Variants in ADAM22 observed in about 807,000 individuals in gnomAD.
ADAM22 encodes the protein ADAM metallopeptidase domain 22.
Under a neutral mutation model 144.6 loss-of-function variants are expected in ADAM22, and 65 were observed. The observed-to-expected ratio is 0.45, with a 90% CI of 0.37 to 0.55. ADAM22 has a LOEUF of 0.55. ADAM22 is among the 20% of genes least tolerant of loss of function. The probability of loss-of-function intolerance (pLI) is 0.00; values close to 1 mark genes in which losing one functional copy is unlikely to be tolerated. For missense variants in ADAM22, 974 were observed against 1,184.9 expected (o/e 0.82, Z 2.61); for synonymous variants, 391 against 412.6 (o/e 0.95, Z 0.63).
chr7:88,176,078 T>C (rs1179098406), intron 26 of ADAM22, among the ~76,000 whole-genome samples: 1 of 152,142 alleles, frequency 6.6e-6, no homozygotes, highest in Admixed American at 6.5e-5. Flanking sequence ...GTTCAAGCGA[T>C]TCTCCTGCCT....
intron 23 of ADAM22, 105 bp downstream of exon 23, chr7:88,163,285 A>G (rs1842183882): frequency 1.0e-6 from 1 of 967,274 alleles, no homozygotes; most frequent in Non-Finnish European, 1.4e-6. Flanking sequence ...ATGATTTTTC[A>G]TATTTCTAGT....
At chr7:88,179,578 T>C (rs1416810332) in intron 27 of ADAM22, among the ~76,000 whole-genome samples, 1 of 152,032 alleles carries the variant, frequency 6.6e-6, no homozygotes. Flanking sequence ...GGGTGATTAT[T>C]TCTAGACTTT....
intron 3 of ADAM22, 43 bp from the exon 4 acceptor site, chr7:88,075,583 T>G: frequency 1.3e-6 from 2 of 1,565,202 alleles, no homozygotes; most frequent in Middle Eastern, 1.8e-4. Context: ...TGTTTTACAT[T>G]TTTGGGATCC....
intron 2 of ADAM22, among the ~76,000 whole-genome samples, chr7:87,955,069 C>CT (rs1227029884): frequency 6.6e-6 from 1 of 152,158 alleles, no homozygotes; most frequent in African/African-American, 2.4e-5. Flanking sequence ...ACTTCTTTGC[C>CT]TTTGATTTGA....
intron 3 of ADAM22, among the ~76,000 whole-genome samples, chr7:88,074,963 T>C (rs1169830621): frequency 1.3e-5 from 2 of 152,210 alleles, no homozygotes; most frequent in African/African-American, 4.8e-5. Flanking sequence ...GATAGTTTTA[T>C]TTATATTTTA....
chr7:88,056,182 C>A (rs1808211393), intron 3 of ADAM22, among the ~76,000 whole-genome samples: 1 of 152,100 alleles, frequency 6.6e-6, no homozygotes, highest in South Asian at 2.1e-4. Flanking sequence ...TTTATAGGTT[C>A]TTTTTTTCTT....
At chr7:88,194,097 T>C (rs1315011502) in intron 31 of ADAM22, among the ~76,000 whole-genome samples, 2 of 152,252 alleles carry the variant, frequency 1.3e-5, no homozygotes, top group African/African-American at 4.8e-5. Context: ...TCTTGATAGA[T>C]ACCTAGTTGT....
chr7:87,986,633 T>C (rs2129450676), intron 3 of ADAM22, among the ~76,000 whole-genome samples: 1 of 152,336 alleles, frequency 6.6e-6, no homozygotes, highest in East Asian at 1.9e-4. Context: ...TATCCGAGCT[T>C]ACTAGAGTAG....
chr7:88,083,380 C>T (rs11772873), intron 4 of ADAM22, among the ~76,000 whole-genome samples: 55,948 of 151,618 alleles, frequency 0.37, 11,517 homozygotes, highest in South Asian at 0.61. Flanking sequence ...GGAGATATAC[C>T]TAATGCTAAA....
intron 3 of ADAM22, among the ~76,000 whole-genome samples, chr7:88,057,368 G>A (rs1000872708): frequency 6.6e-6 from 1 of 152,162 alleles, no homozygotes; most frequent in African/African-American, 2.4e-5. Flanking sequence ...TAAGTGTTTA[G>A]CCTGACTAAT....
intron 8 of ADAM22, 134 bp downstream of exon 8, chr7:88,125,793 G>T (rs1251720171): frequency 4.8e-6 from 3 of 629,434 alleles, no homozygotes; most frequent in Non-Finnish European, 7.7e-6. Context: ...AACCGTAAGG[G>T]TGATGGATCT....
chr7:87,936,442 T>C (rs1841270987), intron 2 of ADAM22, among the ~76,000 whole-genome samples: 1 of 152,212 alleles, frequency 6.6e-6, no homozygotes, highest in Admixed American at 6.5e-5. Flanking sequence ...ATTTTTCAAT[T>C]AATTAAGATT....
intron 23 of ADAM22, among the ~76,000 whole-genome samples, chr7:88,164,132 T>C (rs1842412703): frequency 6.6e-6 from 1 of 152,104 alleles, no homozygotes; most frequent in African/African-American, 2.4e-5. Flanking sequence ...TCTGCTCCTA[T>C]GAAGGAGTCT....
chr7:88,162,971 T>G (rs1842092195), intron 22 of ADAM22, 41 bp from the exon 23 acceptor site: 1 of 1,594,616 alleles, frequency 6.3e-7, no homozygotes, highest in East Asian at 2.3e-5. Flanking sequence ...AAAATGAAGG[T>G]GAATTAATAG....
At chr7:88,114,459 T>C in intron 5 of ADAM22, 125 bp from the exon 6 acceptor site, 1 of 770,560 alleles carries the variant, frequency 1.3e-6, no homozygotes, top group East Asian at 2.6e-5. Context: ...CTGGAGGTGA[T>C]GGATGGGACT....
intron 3 of ADAM22, among the ~76,000 whole-genome samples, chr7:88,035,140 G>A (rs577868717): frequency 8.5e-4 from 129 of 152,200 alleles, no homozygotes; most frequent in African/African-American, 2.9e-3. Context: ...TTCTACTTGA[G>A]TTTGTGTTTG....
chr7:87,975,610 C>G (rs1851724705), intron 2 of ADAM22, among the ~76,000 whole-genome samples: 1 of 152,012 alleles, frequency 6.6e-6, no homozygotes, highest in Non-Finnish European at 1.5e-5. Flanking sequence ...TAACTGAGAT[C>G]AATAAAATAA....
intron 2 of ADAM22, among the ~76,000 whole-genome samples, chr7:87,953,269 G>A (rs1344254584): frequency 6.6e-6 from 1 of 151,776 alleles, no homozygotes; most frequent in Non-Finnish European, 1.5e-5. Context: ...GCTTTCTCTT[G>A]TGGGCATTTA....
intron 4 of ADAM22, among the ~76,000 whole-genome samples, chr7:88,093,933 A>T (rs1396168799): frequency 1.3e-5 from 2 of 152,138 alleles, no homozygotes; most frequent in Non-Finnish European, 2.9e-5. Flanking sequence ...ACTCATAAAA[A>T]CTCAGGCATG....
Sources: gnomAD v4.1 joint callset for allele counts (sites outside exome capture counted in the v4.1 genomes callset) on GRCh38, gnomAD v4.1.1 for gene constraint, MANE v1.5 for transcripts, NCBI Gene and HGNC (gene_info 2026-07-23, HGNC 2026-07-21) for gene names.